Variants in PTPRR observed in about 807,000 individuals in gnomAD.
PTPRR encodes receptor-type tyrosine-protein phosphatase R.
PTPRR carries 38 observed loss-of-function variants against 77.2 expected under a neutral mutation model. That is an observed-to-expected ratio of 0.49 (90% CI 0.38 to 0.65). The LOEUF (loss-of-function observed/expected upper bound fraction) is 0.65. Ranked by LOEUF, PTPRR falls within the 30% of genes least tolerant of loss-of-function variation. The probability of loss-of-function intolerance (pLI) is 0.00; values close to 1 mark genes in which losing one functional copy is unlikely to be tolerated. For synonymous variants in PTPRR, 299 were observed against 283.1 expected, an observed-to-expected ratio of 1.06 and a Z score of -0.57; for missense variants, 744 against 799.2, an observed-to-expected ratio of 0.93 and a Z score of 0.83.
At chr12:70,861,083 A>G (rs1892745462) in intron 2 of PTPRR, among the ~76,000 whole-genome samples, 1 of 152,164 alleles carries the variant, frequency 6.6e-6, no homozygotes, top group Non-Finnish European at 1.5e-5. Context: ...GAACGTAAAA[A>G]TGCTCAATAA....
At chr12:70,745,721 C>T in intron 6 of PTPRR, 97 bp downstream of exon 6, 2 of 1,377,242 alleles carry the variant, frequency 1.5e-6, no homozygotes, top group Non-Finnish European at 2.0e-6. Context: ...AACAATTCTA[C>T]CCAATTATGT....
intron 10 of PTPRR, among the ~76,000 whole-genome samples, chr12:70,669,819 C>T (rs1225119634): frequency 6.6e-6 from 1 of 152,032 alleles, no homozygotes; most frequent in Non-Finnish European, 1.5e-5. Flanking sequence ...AGGCTGGTCT[C>T]GAATTCCTGG....
At chr12:70,667,956 C>T (rs1015477246) in intron 10 of PTPRR, among the ~76,000 whole-genome samples, 1 of 152,048 alleles carries the variant, frequency 6.6e-6, no homozygotes, top group Non-Finnish European at 1.5e-5. Flanking sequence ...CGACTTCTCC[C>T]TCATAATCCT....
intron 10 of PTPRR, chr12:70,664,598 G>T (rs74101540): frequency 0.14 from 21,209 of 152,232 alleles, 2,151 homozygotes; most frequent in East Asian, 0.39. Context: ...CAAAGCAGGA[G>T]CTTGCCGCCT....
intron 3 of PTPRR, among the ~76,000 whole-genome samples, chr12:70,763,948 A>T (rs932624582): frequency 2.6e-5 from 4 of 151,446 alleles, no homozygotes; most frequent in African/African-American, 9.7e-5. Context: ...GAAATAATGG[A>T]TGTGGGTGAT....
At chr12:70,708,470 C>T (rs1406312820) in intron 6 of PTPRR, among the ~76,000 whole-genome samples, 3 of 151,934 alleles carry the variant, frequency 2.0e-5, no homozygotes, top group Non-Finnish European at 4.4e-5. Flanking sequence ...AAAGTCTGAG[C>T]ATTAACATCC....
intron 4 of PTPRR, among the ~76,000 whole-genome samples, chr12:70,758,995 C>G (rs1416585571): frequency 6.6e-6 from 1 of 151,998 alleles, no homozygotes; most frequent in Admixed American, 6.6e-5. Flanking sequence ...AGTGCAGTGG[C>G]CTCATCATAG....
At chr12:70,672,140 G>A in intron 10 of PTPRR, 5 of 1,440,800 alleles carry the variant, frequency 3.5e-6, no homozygotes, top group Non-Finnish European at 4.8e-6. Context: ...GCAGGGAGAG[G>A]CCATCCTCTC....
At chr12:70,721,132 G>C (rs1478577158) in intron 6 of PTPRR, among the ~76,000 whole-genome samples, 5 of 152,122 alleles carry the variant, frequency 3.3e-5, no homozygotes, top group Non-Finnish European at 5.9e-5. Flanking sequence ...CTCTTGCTTG[G>C]AAGTCCTGCA....
chr12:70,870,247 A>G (rs935842484), intron 2 of PTPRR, among the ~76,000 whole-genome samples: 2 of 152,186 alleles, frequency 1.3e-5, no homozygotes, highest in Admixed American at 1.3e-4. Context: ...AAAGAACATC[A>G]TCTTTAAAAT....
At position 70,745,521 on chromosome 12, in the gene PTPRR, G is replaced by T. The variant is rs2136926433; in HGVS notation, c.1007+297C>A. Among the ~76,000 whole-genome samples the T allele has an allele frequency of 2.0e-5, 3 of 152,302 alleles. No homozygotes were observed. In the Middle Eastern group the frequency reaches 0.01, roughly 518 times the overall value. ...TGACAATTAAACAAGATAGCATCTT[G>T]TGAGGTCAGTGAACCTCAATAAGCT... On this transcript the variant is annotated intron_variant, in intron 6 of 13. Coordinates refer to ENST00000283228, the MANE Select transcript of PTPRR (RefSeq NM_002849.4).
At chr12:70,780,433 C>T (rs1294081039) in intron 2 of PTPRR, among the ~76,000 whole-genome samples, 1 of 151,792 alleles carries the variant, frequency 6.6e-6, no homozygotes, top group Non-Finnish European at 1.5e-5. Context: ...ATAGTTAATG[C>T]ATATGATAGA....
At position 70,784,261 on chromosome 12, in the gene PTPRR, C is replaced by T. The variant is rs569475701; in HGVS notation, c.358-19483G>A. Reference sequence around the variant, plus strand: ...GTGGCCTGGACACCTTGCAGTTGCACCTGGGGAGCTCCCACCTGCCAACTT... The same window carrying T: ...GTGGCCTGGACACCTTGCAGTTGCATCTGGGGAGCTCCCACCTGCCAACTT... On this transcript the variant is annotated intron_variant, in intron 2 of 13. Transcript: ENST00000283228. 2.7e-4 allele frequency among the ~76,000 whole-genome samples: 41 copies of T among 152,324 alleles called. 1 individual carries two copies. The highest frequency in any genetic ancestry group is 8.9e-4 in the African/African-American group (37 of 41,584).
intron 2 of PTPRR, among the ~76,000 whole-genome samples, chr12:70,775,607 A>C (rs577854346): frequency 1.3e-5 from 2 of 152,338 alleles, no homozygotes; most frequent in South Asian, 2.1e-4. Flanking sequence ...GACCACACCC[A>C]GTGGTCCAGT....
At chr12:70,768,732 T>A (rs1890891997) in intron 2 of PTPRR, among the ~76,000 whole-genome samples, 2 of 152,108 alleles carry the variant, frequency 1.3e-5, no homozygotes, top group South Asian at 4.2e-4. Flanking sequence ...ACCAATATCC[T>A]TGATGAACAT....
intron 1 of PTPRR, among the ~76,000 whole-genome samples, chr12:70,919,084 T>C (rs35716325): frequency 0.16 from 24,766 of 152,208 alleles, 2,265 homozygotes; most frequent in African/African-American, 0.24. Flanking sequence ...TCATGATACA[T>C]TTAAATAATA....
At chr12:70,683,306 T>C (rs1887742704) in intron 10 of PTPRR, among the ~76,000 whole-genome samples, 1 of 152,210 alleles carries the variant, frequency 6.6e-6, no homozygotes. Context: ...TGTCCTAAAA[T>C]GAAAGCGGTA....
intron 11 of PTPRR, 75 bp from the exon 12 acceptor site, chr12:70,661,172 G>A (rs1253297247): frequency 6.5e-7 from 1 of 1,530,358 alleles, no homozygotes; most frequent in South Asian, 1.2e-5. Flanking sequence ...AATACTGAAT[G>A]CCTTTTATCA....
intron 2 of PTPRR, among the ~76,000 whole-genome samples, chr12:70,765,490 G>A (rs896587136): frequency 2.0e-5 from 3 of 152,202 alleles, no homozygotes; most frequent in Non-Finnish European, 4.4e-5. Flanking sequence ...GCTCACTTAG[G>A]TAAACAAAGC....
Sources: allele counts gnomAD v4.1 joint callset (sites outside exome capture counted in the v4.1 genomes callset), GRCh38; gene constraint gnomAD v4.1.1; transcripts MANE v1.5; gene names NCBI Gene and HGNC (gene_info 2026-07-23, HGNC 2026-07-21).